The following DIP2C variants were observed in gnomAD, a reference collection of about 807,000 sequenced individuals.
The protein encoded by DIP2C is DIP2 acetate--CoA ligase C (putative).
DIP2C carries 33 observed loss-of-function variants against 192.4 expected under a neutral mutation model. The observed-to-expected ratio is 0.17, with a 90% CI of 0.13 to 0.23. The LOEUF is 0.23. Among genes scored for constraint, DIP2C ranks in the 10% least tolerant of loss-of-function variants. The pLI is 1.00. For missense variants in DIP2C, 1,537 were observed against 2,110.1 expected (o/e 0.73, Z 5.32); for synonymous variants, 979 against 864.1 (o/e 1.13, Z -2.33).
At chr10:606,425 T>G (rs56055618) in intron 1 of DIP2C, among the ~76,000 whole-genome samples, 3 of 151,138 alleles carry the variant, frequency 2.0e-5, no homozygotes, top group Non-Finnish European at 4.4e-5. Context: ...GTGATCCGAA[T>G]TCTCATTGGT....
At chr10:482,883 G>C (rs1392585005) in intron 2 of DIP2C, among the ~76,000 whole-genome samples, 2 of 152,198 alleles carry the variant, frequency 1.3e-5, no homozygotes, top group Admixed American at 1.3e-4. Context: ...CCGCAGAAGG[G>C]TGAGAGCGAA....
intron 34 of DIP2C, among the ~76,000 whole-genome samples, chr10:285,639 G>A (rs914464722): frequency 8.5e-5 from 13 of 152,196 alleles, no homozygotes; most frequent in African/African-American, 3.1e-4. Context: ...GACTGGGGAC[G>A]CCCAGCAGTG....
At chr10:578,665 C>A (rs907418969) in intron 1 of DIP2C, among the ~76,000 whole-genome samples, 4 of 152,190 alleles carry the variant, frequency 2.6e-5, no homozygotes, top group Non-Finnish European at 5.9e-5. Flanking sequence ...CCTGCAGGGG[C>A]CCTATTCCTG....
chr10:522,434 C>A (rs1017519798), intron 1 of DIP2C, among the ~76,000 whole-genome samples: 2 of 152,372 alleles, frequency 1.3e-5, no homozygotes, highest in African/African-American at 4.8e-5. Context: ...GAGTAAATGT[C>A]CAGGACTGTG....
chr10:367,317 G>A lies in DIP2C; in HGVS notation c.2132-906C>T, dbSNP rs534475541. Among the ~76,000 whole-genome samples, 7 of 151,914 alleles carry A rather than the reference G, an allele frequency of 4.6e-5. No individual in the cohort carries two copies. The South Asian group carries it at 1.0e-3, about 23-fold the overall frequency. On this transcript the variant is annotated intron_variant, in intron 18 of 36. Coordinates refer to ENST00000280886, the MANE Select transcript of DIP2C (RefSeq NM_014974.3). ...CTGTAGTCCCAGCTCCTCGGGAGGC[G>A]GAGGCAGGAGAATGGCGTGAACCCG...
chr10:542,635 A>T (rs1485982713), intron 1 of DIP2C, among the ~76,000 whole-genome samples: 1 of 152,220 alleles, frequency 6.6e-6, no homozygotes, highest in East Asian at 1.9e-4. Context: ...GCCCCTCTCT[A>T]TACCACAGAT....
Position 344,871 on chromosome 10 carries a change from G to A in DIP2C, c.3391C>T (p.Pro1131Ser), listed in dbSNP as rs2132588555. Residue 1131 changes from proline to serine, a missense_variant, in exon 28 of 37, where the codon CCA (proline) becomes TCA (serine). Coordinates refer to ENST00000280886, the MANE Select transcript of DIP2C (RefSeq NM_014974.3). ...RPAQICKPCN[P>S]DTLAYLDFSV... The stretch of plus-strand genomic sequence containing the variant: ...AAGTCGAGATATGCAAGAGTGTCTG[G>A]GTTGCAAGGTTTGCAGATCTGGGCA... 1 of 1,607,408 alleles carries A rather than the reference G, an allele frequency of 6.2e-7. No individual in the cohort carries two copies. The highest frequency in any genetic ancestry group is 1.1e-5 in the South Asian group (1 of 89,484).
intron 2 of DIP2C, 70 bp downstream of exon 2, chr10:486,389 C>T: frequency 3.5e-6 from 5 of 1,419,302 alleles, no homozygotes; most frequent in Non-Finnish European, 4.7e-6. Context: ...CGTCTGCCTC[C>T]AGATGTTTCT....
intron 1 of DIP2C, among the ~76,000 whole-genome samples, chr10:523,106 G>A (rs909458979): frequency 2.6e-5 from 4 of 152,004 alleles, no homozygotes; most frequent in African/African-American, 4.8e-5. Flanking sequence ...CTGGAGTGAG[G>A]ATGCAGGGAC....
chr10:674,560 A>C (rs1050035837), intron 1 of DIP2C, among the ~76,000 whole-genome samples: 1 of 151,920 alleles, frequency 6.6e-6, no homozygotes, highest in Non-Finnish European at 1.5e-5. Context: ...ACCTGAGGTC[A>C]GGAGTTCAAG....
chr10:637,746 A>G (rs1232183538), intron 1 of DIP2C, among the ~76,000 whole-genome samples: 4 of 152,210 alleles, frequency 2.6e-5, no homozygotes, highest in Non-Finnish European at 5.9e-5. Flanking sequence ...ATAAAATCAA[A>G]ACAAAGAGGT....
chr10:642,638 G>A (rs901280163), intron 1 of DIP2C, among the ~76,000 whole-genome samples: 4 of 152,254 alleles, frequency 2.6e-5, no homozygotes, highest in African/African-American at 9.6e-5. Flanking sequence ...GCTGAAGGGC[G>A]TGTGCCACGG....
intron 9 of DIP2C, among the ~76,000 whole-genome samples, chr10:407,191 C>T (rs1165106653): frequency 6.6e-6 from 1 of 152,200 alleles, no homozygotes; most frequent in Non-Finnish European, 1.5e-5. Context: ...GCAAGGTGAA[C>T]TGTTGGGTAG....
intron 32 of DIP2C, among the ~76,000 whole-genome samples, chr10:302,788 T>TA (rs1564526696): frequency 6.6e-6 from 1 of 152,100 alleles, no homozygotes; most frequent in East Asian, 1.9e-4. Flanking sequence ...TGTGAAAAGA[T>TA]AAAAAATGGT....
intron 1 of DIP2C, among the ~76,000 whole-genome samples, chr10:581,315 G>A (rs1315060028): frequency 6.6e-6 from 1 of 152,284 alleles, no homozygotes; most frequent in African/African-American, 2.4e-5. Context: ...AATGAGAGAT[G>A]GCAAGTATGA....
intron 10 of DIP2C, among the ~76,000 whole-genome samples, chr10:395,987 C>T (rs1361206586): frequency 6.6e-6 from 1 of 152,126 alleles, no homozygotes; most frequent in Non-Finnish European, 1.5e-5. Flanking sequence ...TGGACCCTGC[C>T]CTGTGCACAG....
At chr10:464,783 C>T (rs1970073909) in intron 3 of DIP2C, among the ~76,000 whole-genome samples, 1 of 152,072 alleles carries the variant, frequency 6.6e-6, no homozygotes, top group South Asian at 2.1e-4. Context: ...ACTAGAAAAT[C>T]TAGAAGAAAT....
chr10:415,171 T>C (rs1965547499), intron 7 of DIP2C, among the ~76,000 whole-genome samples: 1 of 152,046 alleles, frequency 6.6e-6, no homozygotes, highest in Non-Finnish European at 1.5e-5. Context: ...AGGTGAAGAA[T>C]GGAAATTATC....
intron 1 of DIP2C, among the ~76,000 whole-genome samples, chr10:512,980 G>T (rs1846117380): frequency 6.9e-6 from 1 of 145,064 alleles, no homozygotes; most frequent in East Asian, 2.0e-4. Context: ...GAAGGGAGAA[G>T]AACATTCAGT....
Sources: gnomAD v4.1 joint callset for allele counts (sites outside exome capture counted in the v4.1 genomes callset) on GRCh38, gnomAD v4.1.1 for gene constraint, MANE v1.5 for transcripts, NCBI Gene and HGNC (gene_info 2026-07-23, HGNC 2026-07-21) for gene names.